Variants in OSBP2 observed in about 807,000 individuals in gnomAD.
OSBP2 encodes oxysterol binding protein 2, also known as oxysterol-binding protein 2.
OSBP2 carries 66 observed loss-of-function variants against 96.0 expected under a neutral mutation model. The observed-to-expected ratio is 0.69, with a 90% CI of 0.56 to 0.84. The LOEUF (loss-of-function observed/expected upper bound fraction) is 0.84. Ranked by LOEUF, OSBP2 falls within the 40% of genes least tolerant of loss-of-function variation. OSBP2 has a pLI of 0.00. For missense variants in OSBP2, 1,038 were observed against 1,222.7 expected (o/e 0.85, Z 2.25); for synonymous variants, 525 against 520.9 (o/e 1.01, Z -0.11).
chr22:30,893,979 C>G lies in OSBP2; in HGVS notation c.2353C>G (p.Leu785Val), dbSNP rs2040011194. 1 of 1,598,310 alleles carries G rather than the reference C, an allele frequency of 6.3e-7. No individual in the cohort carries two copies. The highest frequency in any genetic ancestry group is 1.3e-5 in the African/African-American group (1 of 74,948). ...TVYQTLSAKL[L>V]WKKYPLPENA... is the part of the protein sequence containing the mutation. ...GTACCAGACCCTGTCAGCCAAGCTG[C>G]TGTGGAAGAAGTACCCGCTGCCGTG... Residue 785 changes from leucine to valine, a missense_variant, in exon 12 of 14, where the codon CTG becomes GTG. Leu to Val is a conservative substitution (Grantham distance 32). This residue lies in a region of OSBP2 where 737 missense variants were observed against 913.3 expected (regional missense o/e 0.81). Coordinates refer to ENST00000332585, the MANE Select transcript of OSBP2 (RefSeq NM_030758.4).
intron 2 of OSBP2, among the ~76,000 whole-genome samples, chr22:30,792,025 A>T (rs2090682735): frequency 6.6e-6 from 1 of 152,192 alleles, no homozygotes; most frequent in African/African-American, 2.4e-5. Context: ...CAGAAGTTTC[A>T]ATCAGGCCAG....
chr22:30,874,274 T>C (rs2147117992), intron 3 of OSBP2, among the ~76,000 whole-genome samples: 1 of 151,566 alleles, frequency 6.6e-6, no homozygotes, highest in South Asian at 2.1e-4. Flanking sequence ...TAGCCAGACA[T>C]GGTGGTGCAT....
Position 30,870,630 on chromosome 22 carries a change from T to G in OSBP2, c.1055T>G (p.Val352Gly). 1 of 1,613,684 alleles carries G rather than the reference T, an allele frequency of 6.2e-7. No individual in the cohort carries two copies. Among genetic ancestry groups the G allele is most frequent in the Non-Finnish European group, 8.5e-7 (1 of 1,179,966 alleles). ...TCTGAGAGTGGGGAGAAGCTGAAGG[T>G]GGTGAATGAGCGGGCCACCCTCTTC... Reference protein sequence around the residue: ...IPSESGEKLKVVNERATLFRI... With the variant: ...IPSESGEKLKGVNERATLFRI... Residue 352 changes from valine to glycine, a missense_variant, in exon 3 of 14, where the codon GTG becomes GGG. Physicochemically the swap from Val to Gly is moderately radical, Grantham distance 109. Around this residue, in one of 3 missense-constraint regions of OSBP2, gnomAD observed 737 missense variants for 913.3 expected, o/e 0.81. Transcript: ENST00000332585. The surrounding 1 kb of genome is among the most constrained non-coding windows in gnomAD (Gnocchi z 4.1).
intron 3 of OSBP2, among the ~76,000 whole-genome samples, chr22:30,883,606 T>C (rs1277109699): frequency 6.6e-6 from 1 of 152,238 alleles, no homozygotes; most frequent in Non-Finnish European, 1.5e-5. Flanking sequence ...GGTAGGATGT[T>C]AGAGCAAGCT....
rs7289229 is a variant in OSBP2 at position 30,871,732 on chromosome 22, C to T, written c.1107+1050C>T. 0.041 allele frequency among the ~76,000 whole-genome samples: 6,304 copies of T among 152,288 alleles called. 438 individuals are homozygous for T. Among genetic ancestry groups the T allele is most frequent in the African/African-American group, 0.14 (5,997 of 41,552 alleles). ...GGAGCTGGGACCAAGCTCCAGGCCC[C>T]GCAAGAAATGCAAGGGCAGGGTGGG... On this transcript the variant is annotated intron_variant, in intron 3 of 13. Coordinates refer to ENST00000332585, the MANE Select transcript of OSBP2 (RefSeq NM_030758.4). The surrounding 1 kb of genome is among the most constrained non-coding windows in gnomAD (Gnocchi z 4.7).
chr22:30,792,785 A>G (rs562923847), intron 2 of OSBP2, among the ~76,000 whole-genome samples: 1 of 152,326 alleles, frequency 6.6e-6, no homozygotes, highest in East Asian at 1.9e-4. Context: ...CTTCCACACC[A>G]GCACTGTGAG....
intron 1 of OSBP2, among the ~76,000 whole-genome samples, chr22:30,709,973 C>T (rs774128885): frequency 6.6e-6 from 1 of 151,962 alleles, no homozygotes; most frequent in Non-Finnish European, 1.5e-5. Flanking sequence ...ATCTCTGCCT[C>T]CCAGGTTCAA....
At chr22:30,783,302 CTTT>C (rs35470453) in intron 2 of OSBP2, among the ~76,000 whole-genome samples, 249 of 34,546 alleles carry the variant, frequency 7.2e-3, no homozygotes, top group African/African-American at 0.033. Context: ...ATTCAGAGAG[CTTT>C]TTTTTTTTTT....
intron 1 of OSBP2, among the ~76,000 whole-genome samples, chr22:30,716,528 C>T (rs1425078891): frequency 4.6e-5 from 7 of 152,104 alleles, no homozygotes; most frequent in East Asian, 1.9e-4. Context: ...ACCTCCGCCT[C>T]CCAGGTTCAA....
At chr22:30,700,005 C>G (rs1027711696) in intron 1 of OSBP2, among the ~76,000 whole-genome samples, 3 of 151,042 alleles carry the variant, frequency 2.0e-5, no homozygotes, top group Non-Finnish European at 4.4e-5. Context: ...TTCTGTCACC[C>G]AGGCTGGAGT....
chr22:30,711,230 G>A (rs999642649), intron 1 of OSBP2, among the ~76,000 whole-genome samples: 2 of 151,774 alleles, frequency 1.3e-5, no homozygotes, highest in Admixed American at 6.6e-5. Context: ...ATATATTTAT[G>A]TGTGTTTGTT....
intron 2 of OSBP2, among the ~76,000 whole-genome samples, chr22:30,766,034 G>A (rs1046562802): frequency 2.6e-5 from 4 of 152,142 alleles, no homozygotes; most frequent in African/African-American, 9.7e-5. Flanking sequence ...CAGGAGTGGA[G>A]AGCAGCCTGG....
At chr22:30,708,135 G>A (rs566748043) in intron 1 of OSBP2, among the ~76,000 whole-genome samples, 7 of 152,076 alleles carry the variant, frequency 4.6e-5, no homozygotes, top group African/African-American at 1.7e-4. Context: ...TGATCCACCT[G>A]CCTCAGCCTC....
At chr22:30,891,474 C>T (rs1011243450) in intron 8 of OSBP2, among the ~76,000 whole-genome samples, 2 of 152,170 alleles carry the variant, frequency 1.3e-5, no homozygotes, top group African/African-American at 2.4e-5. Context: ...TGAACCTGGG[C>T]GTCCTGGTTG....
chr22:30,806,163 C>G (rs1409669945), intron 2 of OSBP2, among the ~76,000 whole-genome samples: 1 of 152,164 alleles, frequency 6.6e-6, no homozygotes, highest in Non-Finnish European at 1.5e-5. Context: ...GAGGCTCAGA[C>G]AGGTCGCAGT....
chr22:30,885,074 G>A (rs983909768), intron 3 of OSBP2, among the ~76,000 whole-genome samples: 2 of 152,158 alleles, frequency 1.3e-5, no homozygotes, highest in African/African-American at 2.4e-5. Flanking sequence ...GTGCTCCCTC[G>A]CCCTGCCTGC....
rs751335912 is a variant in OSBP2 at position 30,870,577 on chromosome 22, G to A, written c.1002G>A (p.Leu334=). 1 of 1,613,998 alleles carries A rather than the reference G, an allele frequency of 6.2e-7. No individual in the cohort carries two copies. The highest frequency in any genetic ancestry group is 8.5e-7 in the Non-Finnish European group (1 of 1,179,998). ...AKHGAALQRS[L]TELDGLKIPS... ...ACGGCGCTGCACTCCAGCGCTCCCT[G>A]ACAGAGCTGGACGGCCTCAAGATCC... is the stretch of plus-strand genomic sequence containing the variant. Residue 334 remains leucine (L), a synonymous_variant, in exon 3 of 14, where the codon CTG becomes CTA. Transcript: ENST00000332585. The surrounding 1 kb of genome is among the most constrained non-coding windows in gnomAD (Gnocchi z 4.1).
intron 1 of OSBP2, among the ~76,000 whole-genome samples, chr22:30,734,933 A>G (rs2145729466): frequency 6.6e-6 from 1 of 152,308 alleles, no homozygotes; most frequent in African/African-American, 2.4e-5. Context: ...GCTCATGCCT[A>G]TAATCCTAGC....
intron 2 of OSBP2, among the ~76,000 whole-genome samples, chr22:30,847,068 C>T (rs553136408): frequency 1.3e-5 from 2 of 152,118 alleles, no homozygotes; most frequent in Non-Finnish European, 2.9e-5. Context: ...ACTTCCACCT[C>T]CCAGGTTCAA....
Sources: gnomAD v4.1 joint callset for allele counts (sites outside exome capture counted in the v4.1 genomes callset) on GRCh38, gnomAD v4.1.1 for gene constraint, gnomAD v4.1.1 regional missense constraint, Gnocchi (gnomAD v3.1) non-coding constraint, MANE v1.5 for transcripts, NCBI Gene and HGNC (gene_info 2026-07-23, HGNC 2026-07-21) for gene names.